The following LAMA3 variants were observed in gnomAD, a reference collection of about 807,000 sequenced individuals.
LAMA3 encodes laminin subunit alpha-3.
Under a neutral mutation model 402.0 loss-of-function variants are expected in LAMA3, and 281 were observed. The observed-to-expected ratio is 0.70, with a 90% CI of 0.63 to 0.77. LAMA3 has a LOEUF of 0.77. LAMA3 is among the 30% of genes least tolerant of loss of function. The pLI, the probability that LAMA3 is intolerant of heterozygous loss-of-function variation, is 0.00. For synonymous variants in LAMA3, 1,431 were observed against 1,558.4 expected, an observed-to-expected ratio of 0.92 and a Z score of 1.93; for missense variants, 3,840 against 4,215.5, an observed-to-expected ratio of 0.91 and a Z score of 2.47.
At chr18:23,904,371 T>G (rs2081171775) in intron 50 of LAMA3, among the ~76,000 whole-genome samples, 182 bp from the exon 51 acceptor site, 1 of 152,016 alleles carries the variant, frequency 6.6e-6, no homozygotes, top group Admixed American at 6.5e-5. Flanking sequence ...ATGGCACCAC[T>G]GCAGTCAAAC....
rs113319769 is a variant in LAMA3, at chr18:23,917,026, C to T, written c.7923+331C>T. ...ATTTTTTCTGTCCTTAAAAATACTT[C>T]CACCCTCAAGTAGGCCCCAGGGTCT... On this transcript the variant is annotated intron_variant, in intron 60 of 74. Transcript: ENST00000313654. Among the ~76,000 whole-genome samples, 12 of 152,234 alleles carry T rather than the reference C, an allele frequency of 7.9e-5. 1 individual carries two copies. Among genetic ancestry groups the T allele is most frequent in the African/African-American group, 2.9e-4 (12 of 41,534 alleles).
rs1224146408 is a variant in LAMA3, at chr18:23,920,957, T to C, written c.7946T>C (p.Ile2649Thr). ...TAGGATCGCTTCATATCTCTAAATA[T>C]AGAAGATGGCAAGCTCATGGTGAGA... ...ENGDRFISLN[I>T]EDGKLMVRYK... The change falls in exon 61 of 75, where the codon ATA becomes ACA. Residue 2649 changes from isoleucine to threonine, a missense_variant. Ile to Thr is a moderately conservative substitution (Grantham distance 89). Coordinates refer to ENST00000313654, the MANE Select transcript of LAMA3 (RefSeq NM_198129.4). 2 of 1,614,068 alleles carry C rather than the reference T, an allele frequency of 1.2e-6. No individual in the cohort carries two copies. The highest frequency in any genetic ancestry group is 1.1e-5 in the South Asian group (1 of 91,074).
chr18:23,721,992 G>C (rs1448182928), intron 2 of LAMA3, among the ~76,000 whole-genome samples: 2 of 152,148 alleles, frequency 1.3e-5, no homozygotes, highest in African/African-American at 4.8e-5. Context: ...TCCTTTAGTG[G>C]TTTTCTATTA....
intron 42 of LAMA3, 47 bp from the exon 43 acceptor site, chr18:23,894,251 A>G: frequency 6.8e-7 from 1 of 1,467,034 alleles, no homozygotes; most frequent in Non-Finnish European, 9.6e-7. Flanking sequence ...AGCAGATGAA[A>G]AGTAAGTTTA....
intron 2 of LAMA3, among the ~76,000 whole-genome samples, chr18:23,727,733 T>C (rs1056309255): frequency 6.6e-6 from 1 of 151,890 alleles, no homozygotes; most frequent in Non-Finnish European, 1.5e-5. Context: ...TTTTCTTTTC[T>C]TTCTGTTTTA....
At chr18:23,756,929 GC>G (rs2061857520) in intron 6 of LAMA3, among the ~76,000 whole-genome samples, 1 of 5,902 alleles carries the variant, frequency 1.7e-4, no homozygotes, top group Non-Finnish European at 3.7e-4. Context: ...CCCTGCCCCC[GC>G]CCCCCACTCC....
At chr18:23,845,323 G>T (rs1355352905) in intron 30 of LAMA3, among the ~76,000 whole-genome samples, 199 bp downstream of exon 30, 1 of 152,192 alleles carries the variant, frequency 6.6e-6, no homozygotes, top group East Asian at 1.9e-4. Context: ...GTGCTGCCTG[G>T]GAAAGATGAC....
chr18:23,834,345 G>C, intron 24 of LAMA3: 1 of 315,276 alleles, frequency 3.2e-6, no homozygotes, highest in Non-Finnish European at 6.2e-6. Context: ...TGGGTGCATA[G>C]CACAAGGAAA....
At chr18:23,769,359 A>T (rs2062145483) in intron 8 of LAMA3, among the ~76,000 whole-genome samples, 1 of 152,206 alleles carries the variant, frequency 6.6e-6, no homozygotes, top group African/African-American at 2.4e-5. Context: ...TATAGCTGGA[A>T]AAAATTAGAG....
chr18:23,749,077 G>C (rs1387768493), intron 3 of LAMA3, among the ~76,000 whole-genome samples: 1 of 152,184 alleles, frequency 6.6e-6, no homozygotes, highest in Non-Finnish European at 1.5e-5. Flanking sequence ...CACTAATGAA[G>C]AATGTCAGGG....
At chr18:23,698,974 G>A (rs959925454) in intron 1 of LAMA3, among the ~76,000 whole-genome samples, 1 of 152,036 alleles carries the variant, frequency 6.6e-6, no homozygotes, top group African/African-American at 2.4e-5. Context: ...GCCAGGGTGC[G>A]GTGGCTCACG....
chr18:23,912,920 A>G (rs776162297), intron 56 of LAMA3, 39 bp downstream of exon 56: 125 of 1,582,612 alleles, frequency 7.9e-5, no homozygotes, highest in South Asian at 4.8e-4. Flanking sequence ...TTTTGAAACA[A>G]TGTTTTTCGA....
intron 5 of LAMA3, among the ~76,000 whole-genome samples, chr18:23,751,832 A>C (rs2143584418): frequency 6.6e-6 from 1 of 151,916 alleles, no homozygotes; most frequent in East Asian, 1.9e-4. Flanking sequence ...CATTGAGCTC[A>C]CTCTTCTTCC....
chr18:23,847,165 T>C (rs1191584190), intron 31 of LAMA3, among the ~76,000 whole-genome samples: 1 of 152,176 alleles, frequency 6.6e-6, no homozygotes, highest in Non-Finnish European at 1.5e-5. Context: ...AGCAGCCTCC[T>C]ACCAATTTCC....
chr18:23,767,859 C>T (rs931508375), intron 8 of LAMA3, among the ~76,000 whole-genome samples: 3 of 152,058 alleles, frequency 2.0e-5, no homozygotes, highest in South Asian at 2.1e-4. Context: ...AGGTGTCAGC[C>T]ACCGTGCCTG....
intron 12 of LAMA3, among the ~76,000 whole-genome samples, chr18:23,804,678 G>A (rs570955264): frequency 1.2e-4 from 19 of 152,260 alleles, no homozygotes; most frequent in African/African-American, 2.4e-4. Flanking sequence ...TCCAAACCTC[G>A]TGTTGAAATC....
chr18:23,845,702 T>C (rs1454122788), intron 30 of LAMA3, among the ~76,000 whole-genome samples: 1 of 152,242 alleles, frequency 6.6e-6, no homozygotes, highest in African/African-American at 2.4e-5. Context: ...ACACCTCCTG[T>C]ACAGTGAATA....
rs1473946962 is a variant in LAMA3 at position 23,904,621 on chromosome 18, A to G, written c.6542A>G (p.Asn2181Ser). Residue 2181 changes from asparagine (N) to serine (S), a missense_variant, in exon 51 of 75, where the codon AAC becomes AGC. Physicochemically the swap from Asn to Ser is conservative, Grantham distance 46. Around this residue, in one of 3 missense-constraint regions of LAMA3, gnomAD observed 891 missense variants for 857.5 expected, o/e 1.04. Coordinates refer to ENST00000313654, the MANE Select transcript of LAMA3 (RefSeq NM_198129.4). ...CAVDAATAYE[N>S]ILNAIKAAED... is the part of the protein sequence containing the mutation. ...GTGGATGCCGCCACCGCCTACGAGA[A>G]CATCCTCAATGCCATCAAAGCGGCC... 6 of 1,613,758 alleles carry G rather than the reference A, an allele frequency of 3.7e-6. No individual in the cohort carries two copies. Among genetic ancestry groups the G allele is most frequent in the Non-Finnish European group, 5.1e-6 (6 of 1,179,956 alleles).
At chr18:23,734,385 G>A (rs2061439611) in intron 2 of LAMA3, among the ~76,000 whole-genome samples, 1 of 152,212 alleles carries the variant, frequency 6.6e-6, no homozygotes, top group East Asian at 1.9e-4. Context: ...GTGTCCTTGG[G>A]TGAGAAGAGC....
Sources: allele counts gnomAD v4.1 joint callset (sites outside exome capture counted in the v4.1 genomes callset), GRCh38; gene constraint gnomAD v4.1.1; regional missense constraint gnomAD v4.1.1; transcripts MANE v1.5; gene names NCBI Gene and HGNC (gene_info 2026-07-23, HGNC 2026-07-21).